Variants in MAML2 observed in about 807,000 individuals in gnomAD.
MAML2 encodes the protein mastermind-like protein 2.
Under a neutral mutation model 96.1 loss-of-function variants are expected in MAML2, and 22 were observed. The observed-to-expected ratio is 0.23, with a 90% CI of 0.16 to 0.33. MAML2 has a LOEUF of 0.33. Among genes scored for constraint, MAML2 ranks in the 10% least tolerant of loss-of-function variants. The pLI, the probability that MAML2 is intolerant of heterozygous loss-of-function variation, is 1.00. For synonymous variants in MAML2, 561 were observed against 521.3 expected (o/e 1.08, Z -1.04); for missense variants, 1,367 against 1,392.4 (o/e 0.98, Z 0.29).
chr11:96,025,255 G>T (rs1858498112), intron 2 of MAML2, among the ~76,000 whole-genome samples: 1 of 152,180 alleles, frequency 6.6e-6, no homozygotes, highest in Admixed American at 6.5e-5. Flanking sequence ...GCAGCAACAT[G>T]TATGCAGCTG....
intron 1 of MAML2, among the ~76,000 whole-genome samples, chr11:96,218,724 A>G (rs929428241): frequency 1.3e-5 from 2 of 152,136 alleles, no homozygotes; most frequent in African/African-American, 4.8e-5. Flanking sequence ...TTTCCCTCCA[A>G]TTCCTGACTG....
intron 1 of MAML2, among the ~76,000 whole-genome samples, chr11:96,276,215 A>G (rs1366234805): frequency 6.6e-6 from 1 of 152,214 alleles, no homozygotes; most frequent in East Asian, 1.9e-4. Flanking sequence ...AGAATAATAT[A>G]ATGTCAGAGA....
intron 2 of MAML2, among the ~76,000 whole-genome samples, chr11:96,007,150 G>A (rs957711987): frequency 6.0e-5 from 9 of 150,508 alleles, no homozygotes; most frequent in Admixed American, 4.6e-4. Flanking sequence ...ATACAGGAGC[G>A]TACCACCATG....
intron 1 of MAML2, among the ~76,000 whole-genome samples, chr11:96,327,503 C>T (rs959811454): frequency 2.0e-5 from 3 of 152,084 alleles, no homozygotes; most frequent in African/African-American, 7.2e-5. Flanking sequence ...TCTCGGCTCA[C>T]GGCAACCTCT....
chr11:96,302,903 G>A lies in MAML2; in HGVS notation c.513+38480C>T, dbSNP rs536770302. ...TTAATTCTGTTCCTGTTGAACACAT[G>A]GATCATTTCAAGGGCTACTATTATT... On this transcript the variant is annotated intron_variant, in intron 1 of 4. Transcript: ENST00000524717. Among the ~76,000 whole-genome samples the A allele has an allele frequency of 1.2e-4, 19 of 152,236 alleles. No homozygotes were observed. The South Asian group carries it at 3.9e-3, about 32-fold the overall frequency.
chr11:96,146,706 C>T (rs1860827945), intron 1 of MAML2, among the ~76,000 whole-genome samples: 1 of 152,194 alleles, frequency 6.6e-6, no homozygotes, highest in South Asian at 2.1e-4. Flanking sequence ...AACATGGACT[C>T]TGAATACAGC....
chr11:96,051,122 G>T (rs951557402), intron 2 of MAML2, among the ~76,000 whole-genome samples: 5 of 152,144 alleles, frequency 3.3e-5, no homozygotes, highest in African/African-American at 1.2e-4. Flanking sequence ...GAGGTCTTCT[G>T]TAGTGCCTTT....
At chr11:96,319,343 G>A (rs528905467) in intron 1 of MAML2, among the ~76,000 whole-genome samples, 2 of 152,302 alleles carry the variant, frequency 1.3e-5, no homozygotes, top group South Asian at 2.1e-4. Flanking sequence ...TAAGCAGTTC[G>A]CAAAAGTCTG....
At chr11:96,087,651 G>A (rs1031577206) in intron 2 of MAML2, among the ~76,000 whole-genome samples, 4 of 152,130 alleles carry the variant, frequency 2.6e-5, no homozygotes, top group African/African-American at 9.7e-5. Flanking sequence ...TCTTTGTTCT[G>A]AATATACTGA....
intron 1 of MAML2, among the ~76,000 whole-genome samples, chr11:96,329,664 C>T (rs1863829199): frequency 6.6e-6 from 1 of 152,186 alleles, no homozygotes; most frequent in African/African-American, 2.4e-5. Flanking sequence ...TCAGAGCCAG[C>T]ACTAGAACCT....
chr11:96,267,405 A>G (rs1260246524), intron 1 of MAML2, among the ~76,000 whole-genome samples: 1 of 152,232 alleles, frequency 6.6e-6, no homozygotes, highest in Admixed American at 6.5e-5. Context: ...GTGTGGAATT[A>G]TTCAGCTTCT....
intron 2 of MAML2, among the ~76,000 whole-genome samples, chr11:96,015,106 C>G (rs1858323303): frequency 6.6e-6 from 1 of 152,194 alleles, no homozygotes; most frequent in Non-Finnish European, 1.5e-5. Flanking sequence ...AGCCAAAAGT[C>G]TATCTCAGGC....
Position 96,002,685 on chromosome 11 carries a change from TGGTGGGG to T in MAML2, c.2140-10969_2140-10963del, listed in dbSNP as rs1858102575. Among the ~76,000 whole-genome samples the T allele has an allele frequency of 2.0e-3, 137 of 69,332 alleles. 5 individuals are homozygous for T. In the South Asian group the frequency reaches 0.044, roughly 22 times the overall value. 45.5% of individuals were successfully genotyped at this position (69,332 alleles called of 152,430 possible). On this transcript the variant is annotated intron_variant, in intron 2 of 4. Coordinates refer to ENST00000524717, the MANE Select transcript of MAML2 (RefSeq NM_032427.4). ...GGATGATGAAGAATAATGATGGGGA[TGGTGGGG>T]AGCATGATGGGGATGATAAGGAGGA... is the stretch of plus-strand genomic sequence containing the variant.
chr11:96,265,183 G>A (rs572138297), intron 1 of MAML2, among the ~76,000 whole-genome samples: 9 of 152,330 alleles, frequency 5.9e-5, no homozygotes, highest in African/African-American at 1.7e-4. Context: ...GTACAAGCAG[G>A]CACGATGCAA....
intron 1 of MAML2, among the ~76,000 whole-genome samples, chr11:96,163,191 A>T (rs894181772): frequency 1.1e-4 from 17 of 152,194 alleles, no homozygotes; most frequent in African/African-American, 3.9e-4. Flanking sequence ...CAGTTTAAGT[A>T]TACACTTCCC....
chr11:95,996,611 T>C lies in MAML2; in HGVS notation c.2140-4888A>G, dbSNP rs1366690821. ...AGTTTCTAACTCATGGGTTTTACCA[T>C]GTACCTACTATATACATTCTTTGAA... On this transcript the variant is annotated intron_variant, in intron 2 of 4. Coordinates refer to ENST00000524717, the MANE Select transcript of MAML2 (RefSeq NM_032427.4). Among the ~76,000 whole-genome samples the C allele has an allele frequency of 5.3e-5, 8 of 152,320 alleles. No individual in the cohort carries two copies. In the Middle Eastern group the frequency reaches 0.014, roughly 259 times the overall value.
intron 1 of MAML2, among the ~76,000 whole-genome samples, chr11:96,316,797 A>G (rs1863638588): frequency 6.6e-6 from 1 of 152,220 alleles, no homozygotes; most frequent in African/African-American, 2.4e-5. Flanking sequence ...CAATACTAGA[A>G]AGAAGATGCC....
intron 1 of MAML2, among the ~76,000 whole-genome samples, chr11:96,216,872 T>C (rs1862057815): frequency 6.6e-6 from 1 of 152,054 alleles, no homozygotes; most frequent in East Asian, 1.9e-4. Flanking sequence ...GACTTTTGAA[T>C]TGAGACTTGA....
intron 1 of MAML2, among the ~76,000 whole-genome samples, chr11:96,154,787 CAG>C (rs1321981423): frequency 1.3e-5 from 2 of 152,298 alleles, no homozygotes; most frequent in African/African-American, 2.4e-5. Flanking sequence ...TAGTAACGTG[CAG>C]AGAGTGCCAT....
Sources: allele counts gnomAD v4.1 joint callset (sites outside exome capture counted in the v4.1 genomes callset), GRCh38; gene constraint gnomAD v4.1.1; transcripts MANE v1.5; gene names NCBI Gene and HGNC (gene_info 2026-07-23, HGNC 2026-07-21).